C1QTNF3: variants seen among roughly 807,000 people sequenced by gnomAD.
C1QTNF3 encodes the protein C1q and TNF related 3.
C1QTNF3 carries 26 observed loss-of-function variants against 32.6 expected under a neutral mutation model. That is an observed-to-expected ratio of 0.80 (90% CI 0.58 to 1.11). The LOEUF (loss-of-function observed/expected upper bound fraction) is 1.11, where lower values mean the gene tolerates loss of function less well. C1QTNF3 is among the 50% of genes least tolerant of loss of function. The pLI, the probability that C1QTNF3 is intolerant of heterozygous loss-of-function variation, is 0.00. For synonymous variants in C1QTNF3, 155 were observed against 146.0 expected (o/e 1.06, Z -0.44); for missense variants, 362 against 398.2 (o/e 0.91, Z 0.77).
chr5:34,170,732 ATC>A, the C1QTNF3 span, among the ~76,000 whole-genome samples: 1 of 152,142 alleles, frequency 6.6e-6, no homozygotes. Context: ...CGGTGATAAC[ATC>A]TCTCTCCTTA....
At chr5:34,236,263 G>A in the C1QTNF3 span, among the ~76,000 whole-genome samples, 3 of 151,816 alleles carry the variant, frequency 2.0e-5, no homozygotes, top group Non-Finnish European at 4.4e-5. Flanking sequence ...TCTTGCTCAC[G>A]TGCCTGTAGT....
chr5:34,059,049 C>G, the C1QTNF3 span, among the ~76,000 whole-genome samples: 1 of 152,192 alleles, frequency 6.6e-6, no homozygotes, highest in Non-Finnish European at 1.5e-5. Flanking sequence ...GCTGAAGATG[C>G]CAAACAGGTT....
chr5:34,201,740 T>C, the C1QTNF3 span, among the ~76,000 whole-genome samples: 3 of 152,198 alleles, frequency 2.0e-5, no homozygotes, highest in Admixed American at 2.0e-4. Context: ...AAGTGCTATA[T>C]TTTTCCAAGG....
the C1QTNF3 span, among the ~76,000 whole-genome samples, chr5:34,146,297 C>T: frequency 7.9e-5 from 12 of 152,290 alleles, no homozygotes; most frequent in Middle Eastern, 3.4e-3. Flanking sequence ...TTTAAAGATT[C>T]GGCACTATTC....
At chr5:34,231,715 G>A in the C1QTNF3 span, among the ~76,000 whole-genome samples, 235 of 152,112 alleles carry the variant, frequency 1.5e-3, no homozygotes, top group Non-Finnish European at 2.6e-3. Context: ...CCTCCATCTA[G>A]ATTTCAGAGG....
chr5:34,110,019 C>T, the C1QTNF3 span, among the ~76,000 whole-genome samples: 2 of 152,274 alleles, frequency 1.3e-5, no homozygotes, highest in South Asian at 2.1e-4. Flanking sequence ...TTCTACCATA[C>T]TCTACCAGTC....
chr5:34,156,409 A>C, the C1QTNF3 span, among the ~76,000 whole-genome samples: 1,180 of 152,348 alleles, frequency 7.7e-3, 20 homozygotes, highest in Non-Finnish European at 0.011. Flanking sequence ...AAAAATCTGA[A>C]GAATAAATCA....
At chr5:34,022,415 G>A (rs1003238802) in intron 5 of C1QTNF3, among the ~76,000 whole-genome samples, 4 of 152,098 alleles carry the variant, frequency 2.6e-5, no homozygotes, top group Non-Finnish European at 4.4e-5. Context: ...CCCTCCTAGA[G>A]GACAGAACCA....
the C1QTNF3 span, among the ~76,000 whole-genome samples, chr5:34,219,125 T>C: frequency 6.6e-6 from 1 of 152,104 alleles, no homozygotes; most frequent in Non-Finnish European, 1.5e-5. Context: ...GCTTTCACTA[T>C]AACAGGAATT....
the C1QTNF3 span, chr5:34,158,753 G>C: frequency 6.6e-6 from 1 of 151,896 alleles, no homozygotes; most frequent in Non-Finnish European, 1.5e-5. Context: ...AAATGATTCT[G>C]ACCCATTTAG....
chr5:34,218,532 T>C, the C1QTNF3 span: 1 of 152,382 alleles, frequency 6.6e-6, no homozygotes, highest in Non-Finnish European at 1.5e-5. Context: ...TGAAATTGGT[T>C]AGCTTTCTAA....
chr5:34,130,719 T>C, the C1QTNF3 span, among the ~76,000 whole-genome samples: 1 of 152,230 alleles, frequency 6.6e-6, no homozygotes, highest in Non-Finnish European at 1.5e-5. Flanking sequence ...TGTGGGCCAA[T>C]GGGAAGCTTT....
At chr5:34,066,587 A>G in the C1QTNF3 span, among the ~76,000 whole-genome samples, 62 of 152,000 alleles carry the variant, frequency 4.1e-4, no homozygotes, top group African/African-American at 1.4e-3. Flanking sequence ...AATGTTGCAA[A>G]TTTCCTTCTG....
At chr5:34,158,079 T>C in the C1QTNF3 span, 3 of 151,376 alleles carry the variant, frequency 2.0e-5, no homozygotes, top group Non-Finnish European at 4.4e-5. Flanking sequence ...TCTAAGAGCA[T>C]ACTAAATCTG....
chr5:34,108,317 T>C, the C1QTNF3 span, among the ~76,000 whole-genome samples: 2 of 152,128 alleles, frequency 1.3e-5, no homozygotes, highest in Non-Finnish European at 2.9e-5. Context: ...TCTATACACA[T>C]AGACTATGAA....
chr5:34,241,942 AGGGAGGGAG>A, the C1QTNF3 span, among the ~76,000 whole-genome samples: 1 of 74,450 alleles, frequency 1.3e-5, no homozygotes, highest in Non-Finnish European at 3.5e-5. Flanking sequence ...GAAGGGAGGA[AGGGAGGGAG>A]GGAAGGAAGG....
chr5:34,043,377 G>C, upstream of C1QTNF3: 1 of 501,806 alleles, frequency 2.0e-6, no homozygotes, highest in Non-Finnish European at 3.6e-6. Flanking sequence ...CCCAGTTGGC[G>C]AAATTCATAA....
At chr5:34,142,129 T>A in the C1QTNF3 span, among the ~76,000 whole-genome samples, 3 of 152,004 alleles carry the variant, frequency 2.0e-5, no homozygotes, top group Admixed American at 6.6e-5. Context: ...GTCCAGAACA[T>A]CTAATAAAAG....
chr5:34,164,045 A>G, the C1QTNF3 span, among the ~76,000 whole-genome samples: 2 of 152,326 alleles, frequency 1.3e-5, no homozygotes, highest in African/African-American at 2.4e-5. Context: ...ACATCTGCCT[A>G]TATTACAAAA....
Sources: allele counts gnomAD v4.1 joint callset (sites outside exome capture counted in the v4.1 genomes callset), GRCh38; gene constraint gnomAD v4.1.1; transcripts MANE v1.5; gene names NCBI Gene and HGNC (gene_info 2026-07-23, HGNC 2026-07-21).